The following ZFYVE28 variants were observed in gnomAD, a reference collection of about 807,000 sequenced individuals.
The protein encoded by ZFYVE28 is zinc finger FYVE-type containing 28.
In ZFYVE28, 40 loss-of-function variants were observed where a neutral mutation model predicts 82.1. That is an observed-to-expected ratio of 0.49 (90% confidence interval 0.38 to 0.63). ZFYVE28 has a LOEUF of 0.63. Ranked by LOEUF, ZFYVE28 falls within the 30% of genes least tolerant of loss-of-function variation. ZFYVE28 has a pLI of 0.00. For synonymous variants in ZFYVE28, 612 were observed against 546.1 expected, an observed-to-expected ratio of 1.12 and a Z score of -1.68; for missense variants, 1,321 against 1,242.1, an observed-to-expected ratio of 1.06 and a Z score of -0.96.
chr4:2,320,140 C>T lies in ZFYVE28; in HGVS notation c.803+30G>A. On this transcript the variant is annotated intron_variant, in intron 7 of 12. Coordinates refer to ENST00000290974, the MANE Select transcript of ZFYVE28 (RefSeq NM_020972.3). The surrounding 1 kb of genome is among the most constrained non-coding windows in gnomAD (Gnocchi z 5.1). ...CCTGTGGCCCTCCTGTCCCCCTCCC[C>T]TCCCCCACCTCCTCTAGCTCCATCC... The T allele has an allele frequency of 1.9e-6, 3 of 1,555,486 alleles. No individual in the cohort carries two copies. Among genetic ancestry groups the T allele is most frequent in the East Asian group, 2.2e-5 (1 of 44,476 alleles).
chr4:2,313,753 A>G (rs1005178185), intron 7 of ZFYVE28, among the ~76,000 whole-genome samples: 1 of 151,408 alleles, frequency 6.6e-6, no homozygotes, highest in South Asian at 2.1e-4. Context: ...TGTAATCAGG[A>G]GAATTGCTTG....
chr4:2,314,904 G>C (rs753578172), intron 7 of ZFYVE28, among the ~76,000 whole-genome samples: 2 of 152,034 alleles, frequency 1.3e-5, no homozygotes, highest in African/African-American at 4.8e-5. Context: ...TTAGCCTCCT[G>C]AGTAAGATGG....
chr4:2,397,157 T>C (rs1333927852), intron 1 of ZFYVE28, among the ~76,000 whole-genome samples: 1 of 152,118 alleles, frequency 6.6e-6, no homozygotes, highest in East Asian at 1.9e-4. Flanking sequence ...CTTTTATGAG[T>C]GTACAACTCA....
intron 2 of ZFYVE28, among the ~76,000 whole-genome samples, chr4:2,349,669 T>C (rs1003713092): frequency 6.6e-6 from 1 of 152,210 alleles, no homozygotes; most frequent in Admixed American, 6.5e-5. Flanking sequence ...GGCATCTGCA[T>C]GCTGCTATTG....
intron 1 of ZFYVE28, among the ~76,000 whole-genome samples, chr4:2,356,637 C>T (rs540445425): frequency 2.0e-5 from 3 of 152,332 alleles, no homozygotes; most frequent in African/African-American, 7.2e-5. Context: ...AGGTCGCAGT[C>T]GCCCAGCGAC....
At chr4:2,323,928 TA>T (rs1455669929) in intron 6 of ZFYVE28, among the ~76,000 whole-genome samples, 1 of 152,150 alleles carries the variant, frequency 6.6e-6, no homozygotes, top group Non-Finnish European at 1.5e-5. Context: ...CACATTTTCT[TA>T]ATCCAGTCTA....
chr4:2,343,024 C>T (rs982148847), intron 2 of ZFYVE28: 1 of 152,226 alleles, frequency 6.6e-6, no homozygotes, highest in Non-Finnish European at 1.5e-5. Context: ...GTCACATATA[C>T]AATTTTTGAT....
intron 1 of ZFYVE28, among the ~76,000 whole-genome samples, chr4:2,403,591 C>T (rs1349355129): frequency 1.3e-5 from 2 of 152,184 alleles, no homozygotes; most frequent in East Asian, 3.9e-4. Flanking sequence ...AGCCATAGCA[C>T]ACAGCAGGGC....
Position 2,270,464 on chromosome 4 carries a change from C to G in ZFYVE28, c.*261G>C. On this transcript the variant is annotated 3_prime_UTR_variant, in exon 13 of 13. Transcript: ENST00000290974. ...GGGCCCAGGCCTTCTCCGCCAGGCA[C>G]CCTGCCCTGAGGCAGCCACCAGGCT... The G allele has an allele frequency of 1.9e-6, 1 of 533,784 alleles. No individual in the cohort carries two copies. Among genetic ancestry groups the G allele is most frequent in the Non-Finnish European group, 3.4e-6 (1 of 296,450 alleles). The allele number at this position is 533,784 out of a possible 1,614,324, so 33.1% of individuals were successfully genotyped here.
At chr4:2,319,405 G>A (rs1440550268) in intron 7 of ZFYVE28, among the ~76,000 whole-genome samples, 1 of 152,210 alleles carries the variant, frequency 6.6e-6, no homozygotes, top group Non-Finnish European at 1.5e-5. Flanking sequence ...AGGGTGACGA[G>A]GACCCCATAG....
At chr4:2,385,754 C>T (rs1729192573) in intron 1 of ZFYVE28, among the ~76,000 whole-genome samples, 1 of 152,184 alleles carries the variant, frequency 6.6e-6, no homozygotes, top group Non-Finnish European at 1.5e-5. Flanking sequence ...AAAAAACACA[C>T]CAGGCTTTCA....
At chr4:2,413,797 G>A (rs866814392) in intron 1 of ZFYVE28, among the ~76,000 whole-genome samples, 1 of 152,182 alleles carries the variant, frequency 6.6e-6, no homozygotes, top group Non-Finnish European at 1.5e-5. Context: ...TCGTTTCCCA[G>A]GTGACGCAAA....
chr4:2,379,866 C>T (rs988900395), intron 1 of ZFYVE28, among the ~76,000 whole-genome samples: 2 of 152,056 alleles, frequency 1.3e-5, no homozygotes, highest in Non-Finnish European at 2.9e-5. Flanking sequence ...CAGCTCACTG[C>T]GGCTTCCATC....
At chr4:2,291,156 G>C (rs1312035604) in intron 8 of ZFYVE28, among the ~76,000 whole-genome samples, 1 of 152,150 alleles carries the variant, frequency 6.6e-6, no homozygotes, top group Non-Finnish European at 1.5e-5. Context: ...CACAACTGGC[G>C]AGTCTCAGAG....
rs115545770 is a variant in ZFYVE28, at chr4:2,418,309, G to A, written c.15C>T (p.Phe5=). The stretch of plus-strand genomic sequence containing the variant: ...CCTTGGGTTTGTAGAGCCACTTTCG[G>A]AACCTGTTCATCATCGCCGCGCCGG... MMNR[F]RKWLYKPKRS... Residue 5 remains phenylalanine (F), a synonymous_variant, in exon 1 of 13, where the codon TTC becomes TTT. Transcript: ENST00000290974. The surrounding 1 kb of genome is among the most constrained non-coding windows in gnomAD (Gnocchi z 4.6). 5.8e-3 allele frequency: 8,929 copies of A among 1,532,814 alleles called. 166 individuals carry two copies. In the African/African-American group the frequency reaches 0.065, roughly 11 times the overall value. The allele number at this position is 1,532,814 out of a possible 1,614,324, so 95.0% of individuals were successfully genotyped here.
intron 1 of ZFYVE28, among the ~76,000 whole-genome samples, chr4:2,377,605 G>A (rs916680686): frequency 5.3e-5 from 8 of 152,160 alleles, no homozygotes; most frequent in East Asian, 1.9e-4. Flanking sequence ...GCTGCCAGTC[G>A]CCTTCCCGCC....
At position 2,416,605 on chromosome 4, in the gene ZFYVE28, G is replaced by C. The variant is rs963293074; in HGVS notation, c.39+1680C>G. ...AGAGCGGAGGCCACCGCCCTACCCCGGCAGAGGCACATGGGGGCAGCAGGC... is the reference window on the plus strand; with the variant it reads ...AGAGCGGAGGCCACCGCCCTACCCCCGCAGAGGCACATGGGGGCAGCAGGC... On this transcript the variant is annotated intron_variant, in intron 1 of 12. Transcript: ENST00000290974. This position sits in a 1 kb window ranked among gnomAD's most constrained non-coding sequence, Gnocchi z 4.6. Among the ~76,000 whole-genome samples, 1 of 152,188 alleles carries C rather than the reference G, an allele frequency of 6.6e-6. No individual in the cohort carries two copies. The highest frequency in any genetic ancestry group is 2.4e-5 in the African/African-American group (1 of 41,432).
intron 1 of ZFYVE28, among the ~76,000 whole-genome samples, chr4:2,386,815 C>A (rs1441766732): frequency 6.6e-6 from 1 of 152,266 alleles, no homozygotes; most frequent in Non-Finnish European, 1.5e-5. Context: ...CTAAGACAGG[C>A]GCTTTCAGCA....
chr4:2,314,282 C>T (rs1170434936), intron 7 of ZFYVE28, among the ~76,000 whole-genome samples: 1 of 152,218 alleles, frequency 6.6e-6, no homozygotes, highest in African/African-American at 2.4e-5. Flanking sequence ...TGTTCACGTA[C>T]TTGTGTCAGG....
Sources: gnomAD v4.1 joint callset for allele counts (sites outside exome capture counted in the v4.1 genomes callset) on GRCh38, gnomAD v4.1.1 for gene constraint, Gnocchi (gnomAD v3.1) non-coding constraint, MANE v1.5 for transcripts, NCBI Gene and HGNC (gene_info 2026-07-23, HGNC 2026-07-21) for gene names.